Variants in TMEM178B observed in about 807,000 individuals in gnomAD.
The protein encoded by TMEM178B is transmembrane protein 178B.
Under a neutral mutation model 31.0 loss-of-function variants are expected in TMEM178B, and 5 were observed. The ratio of observed to expected loss-of-function variants is 0.16; its 90% CI spans 0.08 to 0.34. The LOEUF (loss-of-function observed/expected upper bound fraction) is 0.34. Ranked by LOEUF, TMEM178B falls within the 10% of genes least tolerant of loss-of-function variation. TMEM178B has a pLI of 1.00. For synonymous variants in TMEM178B, 164 were observed against 164.0 expected, an observed-to-expected ratio of 1.00 and a Z score of 0.00; for missense variants, 275 against 400.3, an observed-to-expected ratio of 0.69 and a Z score of 2.67.
chr7:141,403,200 T>C (rs1394186609), intron 2 of TMEM178B, among the ~76,000 whole-genome samples: 1 of 152,148 alleles, frequency 6.6e-6, no homozygotes, highest in African/African-American at 2.4e-5. Context: ...AGCGGGGCAG[T>C]GGTTCATGCA....
At position 141,474,504 on chromosome 7, in the gene TMEM178B, G is replaced by A. The variant is rs1462104216; in HGVS notation, c.*3718G>A. ...AGCTTCAATCCTCCTCCAAGCCTTAGCTTTTCAACAACCCTACCCTTTCAA... is the reference window on the plus strand; with the variant it reads ...AGCTTCAATCCTCCTCCAAGCCTTAACTTTTCAACAACCCTACCCTTTCAA... On this transcript the variant is annotated 3_prime_UTR_variant, in exon 4 of 4. Coordinates refer to ENST00000565468, the MANE Select transcript of TMEM178B (RefSeq NM_001195278.2). The A allele has an allele frequency of 6.6e-6, 1 of 152,174 alleles. No homozygotes were observed. The highest frequency in any genetic ancestry group is 1.5e-5 in the Non-Finnish European group (1 of 68,046). 9.4% of individuals were successfully genotyped at this position (152,174 alleles called of 1,614,324 possible).
intron 2 of TMEM178B, among the ~76,000 whole-genome samples, chr7:141,259,221 A>G (rs1797976111): frequency 6.6e-6 from 1 of 152,174 alleles, no homozygotes; most frequent in Non-Finnish European, 1.5e-5. Context: ...CTTCTGCCAT[A>G]TGATATACTC....
chr7:141,289,935 G>A (rs1296916271), intron 2 of TMEM178B, among the ~76,000 whole-genome samples: 1 of 151,804 alleles, frequency 6.6e-6, no homozygotes, highest in East Asian at 1.9e-4. Flanking sequence ...AAGAATTAGA[G>A]GCCAGAGACC....
chr7:141,251,482 G>A (rs1190961944), intron 2 of TMEM178B, among the ~76,000 whole-genome samples: 1 of 152,236 alleles, frequency 6.6e-6, no homozygotes, highest in East Asian at 1.9e-4. Flanking sequence ...CCAAAGTTCT[G>A]CAGCTGGAGA....
At chr7:141,157,698 A>G (rs995836349) in intron 1 of TMEM178B, among the ~76,000 whole-genome samples, 11 of 152,220 alleles carry the variant, frequency 7.2e-5, no homozygotes, top group Non-Finnish European at 1.5e-4. Context: ...GATAACCCCA[A>G]TCTCACTCCT....
In TMEM178B at chr7:141,147,388, G is replaced by T. The variant is rs142147134; in HGVS notation, c.383-65203G>T. ...GCAGGCAAGGAGAGCCTTGTAAGCC[G>T]TGTTTAGCAACTTGACTTTTATCTC... On this transcript the variant is annotated intron_variant, in intron 1 of 3. Coordinates refer to ENST00000565468, the MANE Select transcript of TMEM178B (RefSeq NM_001195278.2). 2.1e-3 allele frequency among the ~76,000 whole-genome samples: 313 copies of T among 152,206 alleles called. 3 individuals are homozygous for T. The highest frequency in any genetic ancestry group is 7.0e-3 in the African/African-American group (292 of 41,518).
chr7:141,348,340 C>T (rs527507618), intron 2 of TMEM178B, among the ~76,000 whole-genome samples: 8 of 152,290 alleles, frequency 5.3e-5, no homozygotes, highest in Middle Eastern at 3.4e-3. Flanking sequence ...TTGCATCCAA[C>T]GTGTAATTCA....
At chr7:141,503,272 T>C in the TMEM178B span, among the ~76,000 whole-genome samples, 1 of 152,202 alleles carries the variant, frequency 6.6e-6, no homozygotes, top group Non-Finnish European at 1.5e-5. Flanking sequence ...CCACAAGTAG[T>C]GCTATTACTA....
intron 3 of TMEM178B, among the ~76,000 whole-genome samples, chr7:141,460,424 T>G (rs547778511): frequency 6.6e-6 from 1 of 152,324 alleles, no homozygotes; most frequent in East Asian, 1.9e-4. Flanking sequence ...AATTATCTCT[T>G]TAAGAGCCCA....
intron 1 of TMEM178B, among the ~76,000 whole-genome samples, chr7:141,193,822 C>A (rs1266252897): frequency 6.6e-6 from 1 of 152,242 alleles, no homozygotes; most frequent in African/African-American, 2.4e-5. Context: ...GGACCCTGCC[C>A]AGTTCTGGCC....
intron 1 of TMEM178B, among the ~76,000 whole-genome samples, chr7:141,090,429 A>G (rs1420480183): frequency 6.6e-6 from 1 of 152,206 alleles, no homozygotes; most frequent in Non-Finnish European, 1.5e-5. Context: ...AATGTTTATC[A>G]GCAGTAATGT....
chr7:141,213,962 A>G (rs1797090312), intron 2 of TMEM178B, among the ~76,000 whole-genome samples: 2 of 152,236 alleles, frequency 1.3e-5, no homozygotes, highest in African/African-American at 4.8e-5. Flanking sequence ...TAAGCAGCAC[A>G]TGGGGATGGA....
chr7:141,498,194 C>T, the TMEM178B span, among the ~76,000 whole-genome samples: 1 of 152,230 alleles, frequency 6.6e-6, no homozygotes, highest in Non-Finnish European at 1.5e-5. Context: ...TTATGTTTGA[C>T]ACCTCATGGA....
intron 2 of TMEM178B, among the ~76,000 whole-genome samples, chr7:141,236,465 G>A (rs1200806928): frequency 6.6e-6 from 1 of 152,224 alleles, no homozygotes; most frequent in Non-Finnish European, 1.5e-5. Context: ...GGGCACTGGG[G>A]CACTTTCTCT....
chr7:141,284,830 A>G (rs1156872575), intron 2 of TMEM178B, among the ~76,000 whole-genome samples: 1 of 152,192 alleles, frequency 6.6e-6, no homozygotes, highest in Non-Finnish European at 1.5e-5. Context: ...TCTCAAGGAT[A>G]TCAAGGGTTA....
chr7:141,166,127 G>A (rs996041374), intron 1 of TMEM178B, among the ~76,000 whole-genome samples: 2 of 152,198 alleles, frequency 1.3e-5, no homozygotes, highest in African/African-American at 2.4e-5. Context: ...CACAATTGCT[G>A]TACTCAGACT....
chr7:141,330,406 G>A (rs1055180771), intron 2 of TMEM178B, among the ~76,000 whole-genome samples: 2 of 152,148 alleles, frequency 1.3e-5, no homozygotes, highest in African/African-American at 2.4e-5. Flanking sequence ...TTAATTTACC[G>A]AGGATAATGA....
chr7:141,174,554 T>A (rs1796397849), intron 1 of TMEM178B, among the ~76,000 whole-genome samples: 1 of 152,198 alleles, frequency 6.6e-6, no homozygotes, highest in Non-Finnish European at 1.5e-5. Context: ...TCCACAATGG[T>A]TGAACTAATT....
intron 2 of TMEM178B, among the ~76,000 whole-genome samples, chr7:141,339,739 G>A (rs575528267): frequency 1.3e-5 from 2 of 152,272 alleles, no homozygotes; most frequent in East Asian, 3.9e-4. Flanking sequence ...AGGCAGTGGA[G>A]AGCACCTGTC....
Sources: gnomAD v4.1 joint callset for allele counts (sites outside exome capture counted in the v4.1 genomes callset) on GRCh38, gnomAD v4.1.1 for gene constraint, MANE v1.5 for transcripts, NCBI Gene and HGNC (gene_info 2026-07-23, HGNC 2026-07-21) for gene names.